The following TCAIM variants were observed in gnomAD, a reference collection of about 807,000 sequenced individuals.
TCAIM encodes the protein T cell activation inhibitor, mitochondrial, also known as T-cell activation inhibitor, mitochondrial.
Under a neutral mutation model 58.6 loss-of-function variants are expected in TCAIM, and 36 were observed. That is an observed-to-expected ratio of 0.61 (90% CI 0.47 to 0.81). The LOEUF (loss-of-function observed/expected upper bound fraction) is 0.81, where lower values mean the gene tolerates loss of function less well. Among genes scored for constraint, TCAIM ranks in the 30% least tolerant of loss-of-function variants. TCAIM has a pLI of 0.00. For synonymous variants in TCAIM, 172 were observed against 193.6 expected (o/e 0.89, Z 0.93); for missense variants, 466 against 579.6 (o/e 0.80, Z 2.01).
intron 1 of TCAIM, among the ~76,000 whole-genome samples, chr3:44,346,102 G>C (rs1036089126): frequency 6.6e-6 from 1 of 152,070 alleles, no homozygotes; most frequent in Admixed American, 6.5e-5. Context: ...AGGGCAAGTG[G>C]TAAAAGTATT....
intron 8 of TCAIM, among the ~76,000 whole-genome samples, chr3:44,398,445 TTAGATAGA>T (rs58163075): frequency 0.18 from 26,018 of 145,190 alleles, 2,494 homozygotes; most frequent in East Asian, 0.3. Context: ...GATACAAAGA[TTAGATAGA>T]TAGATAGATA....
Position 44,396,762 on chromosome 3 carries a change from A to C in TCAIM, c.813A>C (p.Thr271=). 1 of 1,614,176 alleles carries C rather than the reference A, an allele frequency of 6.2e-7. No homozygotes were observed. The highest frequency in any genetic ancestry group is 1.1e-5 in the South Asian group (1 of 91,072). ...KKAKGCTIIF[T]DRSGMSAVGH... Reference sequence around the variant, plus strand: ...CATCAGGGTGTACAATCATATTTACAGACCGTTCTGGCATGAGTGCAGTGG... The same window carrying C: ...CATCAGGGTGTACAATCATATTTACCGACCGTTCTGGCATGAGTGCAGTGG... The change falls in exon 8 of 11, where the codon ACA becomes ACC. Residue 271 remains threonine (T), a synonymous_variant. Transcript: ENST00000342649.
chr3:44,390,970 C>T (rs1701824811), intron 5 of TCAIM, among the ~76,000 whole-genome samples: 1 of 152,190 alleles, frequency 6.6e-6, no homozygotes, highest in Non-Finnish European at 1.5e-5. Flanking sequence ...ACCACCCACT[C>T]CTGCAGCAGC....
chr3:44,374,810 C>G (rs751571349), intron 5 of TCAIM, among the ~76,000 whole-genome samples: 1 of 152,028 alleles, frequency 6.6e-6, no homozygotes, highest in Admixed American at 6.6e-5. Context: ...GAACTTCAGG[C>G]AGTGAAAATA....
intron 5 of TCAIM, among the ~76,000 whole-genome samples, chr3:44,377,039 G>A (rs571341036): frequency 3.3e-5 from 5 of 152,166 alleles, no homozygotes; most frequent in East Asian, 1.9e-4. Flanking sequence ...GCAGTGAGCC[G>A]TGATCATGCC....
intron 10 of TCAIM, among the ~76,000 whole-genome samples, chr3:44,403,165 A>T (rs973199864): frequency 1.3e-5 from 2 of 152,146 alleles, no homozygotes; most frequent in African/African-American, 4.8e-5. Flanking sequence ...GCTACTCGGG[A>T]GGCTGAGACA....
In TCAIM at chr3:44,384,784, T is replaced by C. The variant is rs374542542; in HGVS notation, c.573-8071T>C. ...CAGTTTCTCTTCCCTGCAACTTGGGTTCTACATTCCTTCTATATTCCCAAC... is the reference window on the plus strand; with the variant it reads ...CAGTTTCTCTTCCCTGCAACTTGGGCTCTACATTCCTTCTATATTCCCAAC... On this transcript the variant is annotated intron_variant, in intron 5 of 10. Transcript: ENST00000342649. Among the ~76,000 whole-genome samples the C allele has an allele frequency of 9.2e-5, 14 of 152,322 alleles. No homozygotes were observed. The South Asian group carries it at 2.9e-3, about 32-fold the overall frequency.
chr3:44,364,602 C>T (rs760931242), intron 4 of TCAIM, among the ~76,000 whole-genome samples: 36 of 151,796 alleles, frequency 2.4e-4, no homozygotes, highest in African/African-American at 5.3e-4. Context: ...ATTAACCAGG[C>T]GTGGTGGCAT....
At chr3:44,400,677 G>A (rs971810195) in intron 9 of TCAIM, 90 bp downstream of exon 9, 40 of 1,123,164 alleles carry the variant, frequency 3.6e-5, no homozygotes, top group Non-Finnish European at 4.8e-5. Context: ...TATTTCAATG[G>A]GTAGTTCTTA....
chr3:44,393,271 A>G (rs1332546721), intron 6 of TCAIM, among the ~76,000 whole-genome samples: 4 of 152,050 alleles, frequency 2.6e-5, no homozygotes, highest in Admixed American at 6.6e-5. Flanking sequence ...TAGCCTGGGC[A>G]ACATATAGAG....
At chr3:44,361,336 ATG>A in intron 3 of TCAIM, 27 bp from the exon 4 acceptor site, 1 of 1,560,000 alleles carries the variant, frequency 6.4e-7, no homozygotes, top group South Asian at 1.2e-5. Context: ...TCTATTTTGT[ATG>A]TAAATGCCCT....
chr3:44,391,327 T>TACAGGTGCGCGCGAACA (rs1407491074), intron 5 of TCAIM: 2 of 152,374 alleles, frequency 1.3e-5, no homozygotes, highest in Non-Finnish European at 2.9e-5. Context: ...CAGCTGGGAT[T>TACAGGTGCGCGCGAACA]ACAGGTGCGC....
chr3:44,401,413 G>A, intron 10 of TCAIM, 79 bp downstream of exon 10: 3 of 1,549,178 alleles, frequency 1.9e-6, no homozygotes, highest in South Asian at 1.2e-5. Context: ...TCATAAATAT[G>A]GGACCTGGAA....
At chr3:44,404,864 A>G (rs537212187) in intron 10 of TCAIM, among the ~76,000 whole-genome samples, 1 of 150,674 alleles carries the variant, frequency 6.6e-6, no homozygotes, top group East Asian at 2.0e-4. Context: ...AAAAAAGATT[A>G]AAGCTCTCAG....
At chr3:44,401,433 A>G in intron 10 of TCAIM, 99 bp downstream of exon 10, 1 of 1,437,818 alleles carries the variant, frequency 7.0e-7, no homozygotes, top group Non-Finnish European at 9.4e-7. Flanking sequence ...AACAGTATGA[A>G]GCTTAGGAAA....
chr3:44,387,901 T>C (rs1158115035), intron 5 of TCAIM, among the ~76,000 whole-genome samples: 1 of 152,066 alleles, frequency 6.6e-6, no homozygotes, highest in Admixed American at 6.6e-5. Context: ...TAAAAAAAGT[T>C]AGAGACTAAA....
At chr3:44,350,022 C>T (rs1342498876) in intron 1 of TCAIM, among the ~76,000 whole-genome samples, 1 of 151,912 alleles carries the variant, frequency 6.6e-6, no homozygotes, top group Non-Finnish European at 1.5e-5. Context: ...AGTCATAGCA[C>T]CAAATGTCAT....
At chr3:44,401,001 C>A in intron 9 of TCAIM, 1 of 678,658 alleles carries the variant, frequency 1.5e-6, no homozygotes. Context: ...TAAGGAAGGT[C>A]AGAGGGCTTG....
chr3:44,353,123 G>A (rs960975102), intron 1 of TCAIM, among the ~76,000 whole-genome samples: 4 of 151,948 alleles, frequency 2.6e-5, no homozygotes, highest in Non-Finnish European at 4.4e-5. Context: ...GTTTCACCGT[G>A]TTGGTCAGGC....
Sources: allele counts gnomAD v4.1 joint callset (sites outside exome capture counted in the v4.1 genomes callset), GRCh38; gene constraint gnomAD v4.1.1; transcripts MANE v1.5; gene names NCBI Gene and HGNC (gene_info 2026-07-23, HGNC 2026-07-21).